The following KBTBD3 variants were observed in gnomAD, a reference collection of about 807,000 sequenced individuals.
KBTBD3 encodes the protein kelch repeat and BTB domain-containing protein 3.
A neutral mutation model predicts 49.6 loss-of-function variants in KBTBD3; 38 were observed. The observed-to-expected ratio is 0.77, with a 90% CI of 0.59 to 1.00. The LOEUF (loss-of-function observed/expected upper bound fraction) is 1.00. KBTBD3 is among the 50% of genes least tolerant of loss of function. The pLI is 0.00. For synonymous variants in KBTBD3, 214 were observed against 250.4 expected, an observed-to-expected ratio of 0.85 and a Z score of 1.37; for missense variants, 661 against 712.0, an observed-to-expected ratio of 0.93 and a Z score of 0.81.
At chr11:106,059,233 C>T in intron 2 of KBTBD3, 124 bp from the exon 3 acceptor site, 1 of 572,214 alleles carries the variant, frequency 1.7e-6, no homozygotes, top group Non-Finnish European at 3.0e-6. Context: ...GACAGTAAAA[C>T]TTGTTTTAAA....
rs777118737 is a variant in KBTBD3 at position 106,053,030 on chromosome 11, A to T, written c.1659T>A (p.Ile553=). ...NAGAIGIEDK[I]YILGGDYAPD... Reference sequence around the variant, plus strand: ...GTGCATAATCACCACCTAATATATAAATTTTATCTTCAATTCCAATTGCAC... The same window carrying T: ...GTGCATAATCACCACCTAATATATATATTTTATCTTCAATTCCAATTGCAC... The change falls in exon 4 of 4, where the codon ATT becomes ATA. Residue 553 remains isoleucine, a synonymous_variant. Coordinates refer to ENST00000531837, the MANE Select transcript of KBTBD3 (RefSeq NM_198439.3). 3.0e-5 allele frequency: 49 copies of T among 1,613,498 alleles called. No homozygotes were observed. The highest frequency in any genetic ancestry group is 1.3e-4 in the Admixed American group (8 of 59,906).
At chr11:106,057,320 A>T (rs183463793) in intron 3 of KBTBD3, 1 of 152,238 alleles carries the variant, frequency 6.6e-6, no homozygotes, top group Admixed American at 6.5e-5. Context: ...GCATCTTAGT[A>T]TTTCTATATC....
intron 2 of KBTBD3, among the ~76,000 whole-genome samples, chr11:106,064,311 C>A (rs375679543): frequency 6.6e-6 from 1 of 151,792 alleles, no homozygotes; most frequent in African/African-American, 2.4e-5. Flanking sequence ...TTTAGGAGGC[C>A]GAGGCGGGTG....
intron 3 of KBTBD3, among the ~76,000 whole-genome samples, chr11:106,055,515 T>C (rs183602927): frequency 2.6e-5 from 4 of 152,330 alleles, no homozygotes; most frequent in East Asian, 1.9e-4. Flanking sequence ...GGATTTTTAG[T>C]AATGTATATC....
At chr11:106,060,961 C>A (rs1860680123) in intron 2 of KBTBD3, among the ~76,000 whole-genome samples, 2 of 152,128 alleles carry the variant, frequency 1.3e-5, no homozygotes, top group Non-Finnish European at 2.9e-5. Context: ...AAACAAACAA[C>A]CCCATCAAAA....
At chr11:106,073,740 G>A (rs971993334) in intron 2 of KBTBD3, among the ~76,000 whole-genome samples, 1 of 152,142 alleles carries the variant, frequency 6.6e-6, no homozygotes, top group Non-Finnish European at 1.5e-5. Flanking sequence ...CGGCCAGTGT[G>A]GCTGGAGTAG....
chr11:106,068,736 CA>C (rs1860860311), intron 2 of KBTBD3, among the ~76,000 whole-genome samples: 1 of 32,552 alleles, frequency 3.1e-5, no homozygotes, highest in African/African-American at 3.9e-5. Context: ...GTACCCAAAA[CA>C]AACAAACAAA....
chr11:106,060,709 T>C (rs991847209), intron 2 of KBTBD3, among the ~76,000 whole-genome samples: 1 of 152,246 alleles, frequency 6.6e-6, no homozygotes, highest in Non-Finnish European at 1.5e-5. Flanking sequence ...ACCTAGGCAA[T>C]ACCATTCAGG....
At chr11:106,060,218 C>G (rs972209878) in intron 2 of KBTBD3, among the ~76,000 whole-genome samples, 8 of 151,472 alleles carry the variant, frequency 5.3e-5, no homozygotes, top group Non-Finnish European at 1.2e-4. Flanking sequence ...TTTGATATAA[C>G]TATATTCGAT....
Position 106,061,786 on chromosome 11 carries a change from A to G in KBTBD3, c.-12-2677T>C, listed in dbSNP as rs565939216. Among the ~76,000 whole-genome samples the G allele has an allele frequency of 4.0e-5, 6 of 151,880 alleles. No individual in the cohort carries two copies. In the South Asian group the frequency reaches 8.3e-4, roughly 21 times the overall value. On this transcript the variant is annotated intron_variant, in intron 2 of 3. Transcript: ENST00000531837. Reference sequence around the variant, plus strand: ...AGTTTTTCTGTCTGTCTCTCTCCATATATATATATTACAAACACATATACA... The same window carrying G: ...AGTTTTTCTGTCTGTCTCTCTCCATGTATATATATTACAAACACATATACA...
At chr11:106,067,961 A>G (rs1261908121) in intron 2 of KBTBD3, among the ~76,000 whole-genome samples, 2 of 152,206 alleles carry the variant, frequency 1.3e-5, no homozygotes, top group Non-Finnish European at 2.9e-5. Flanking sequence ...TAATTAAAAT[A>G]AAGCAGGCAT....
At chr11:106,062,638 G>A (rs193263990) in intron 2 of KBTBD3, among the ~76,000 whole-genome samples, 2 of 152,292 alleles carry the variant, frequency 1.3e-5, no homozygotes, top group Non-Finnish European at 2.9e-5. Context: ...CATTTGATTG[G>A]ATAAGGCCCA....
At chr11:106,068,635 T>C (rs1231845163) in intron 2 of KBTBD3, among the ~76,000 whole-genome samples, 1 of 152,108 alleles carries the variant, frequency 6.6e-6, no homozygotes, top group Non-Finnish European at 1.5e-5. Flanking sequence ...ATACCAGTTC[T>C]ACACAACTTC....
At chr11:106,060,154 T>G (rs201964580) in intron 2 of KBTBD3, among the ~76,000 whole-genome samples, 1 of 1,446 alleles carries the variant, frequency 6.9e-4, no homozygotes, top group African/African-American at 7.0e-4. Flanking sequence ...CCTTTTTTTG[T>G]TTTTTTTTTC....
At chr11:106,057,547 C>T (rs1490220352) in intron 3 of KBTBD3, 1 of 152,258 alleles carries the variant, frequency 6.6e-6, no homozygotes, top group Non-Finnish European at 1.5e-5. Flanking sequence ...ATACAATTAA[C>T]ACAGTAATTG....
At position 106,058,194 on chromosome 11, in the gene KBTBD3, C is replaced by T. The variant is rs879108232; in HGVS notation, c.233+671G>A. The T allele has an allele frequency of 2.8e-5, 9 of 323,608 alleles. No homozygotes were observed. In the Admixed American group the frequency reaches 4.4e-4, roughly 16 times the overall value. The allele number at this position is 323,608 out of a possible 1,614,324, so 20.0% of individuals were successfully genotyped here. ...GGTCAGGAGATTGAGACCATCCTGG[C>T]TAACACGGTGAAACCCCGTCTCTAC... On this transcript the variant is annotated intron_variant, in intron 3 of 3. Transcript: ENST00000531837.
intron 1 of KBTBD3, among the ~76,000 whole-genome samples, 151 bp downstream of exon 1, chr11:106,077,161 C>T (rs369046665): frequency 6.6e-6 from 1 of 152,070 alleles, no homozygotes; most frequent in Non-Finnish European, 1.5e-5. Context: ...CACTGCAGAC[C>T]CCCTCCTAGA....
intron 2 of KBTBD3, among the ~76,000 whole-genome samples, chr11:106,065,619 G>C (rs1333018739): frequency 6.6e-6 from 1 of 152,142 alleles, no homozygotes; most frequent in Non-Finnish European, 1.5e-5. Flanking sequence ...GATTAGAGTG[G>C]AGTTAAGTGG....
At chr11:106,061,195 G>A (rs912540162) in intron 2 of KBTBD3, among the ~76,000 whole-genome samples, 4 of 152,124 alleles carry the variant, frequency 2.6e-5, no homozygotes, top group African/African-American at 4.8e-5. Context: ...CTCCCAGAGC[G>A]GGTGTTCCAA....
Sources: allele counts gnomAD v4.1 joint callset (sites outside exome capture counted in the v4.1 genomes callset), GRCh38; gene constraint gnomAD v4.1.1; transcripts MANE v1.5; gene names NCBI Gene and HGNC (gene_info 2026-07-23, HGNC 2026-07-21).